PCDH11X: variants seen among roughly 807,000 people sequenced by gnomAD.
The protein encoded by PCDH11X is protocadherin 11 X-linked.
PCDH11X carries 18 observed loss-of-function variants against 53.3 expected under a neutral mutation model. The ratio of observed to expected loss-of-function variants is 0.34; its 90% CI spans 0.23 to 0.50. PCDH11X has a LOEUF of 0.50. PCDH11X is among the 20% of genes least tolerant of loss of function. PCDH11X has a pLI of 0.98. For synonymous variants in PCDH11X, 279 were observed against 393.3 expected (o/e 0.71, Z 3.44); for missense variants, 570 against 1,032.4 (o/e 0.55, Z 6.14).
chrX:92,315,587 A>G lies in PCDH11X; in HGVS notation c.3144+52444A>G, dbSNP rs139888319. ...AATCTCACTCCTTCACCCAAGCTGGAGTGCAGTGATCCAATCACAGCTTAC... is the reference window on the plus strand; with the variant it reads ...AATCTCACTCCTTCACCCAAGCTGGGGTGCAGTGATCCAATCACAGCTTAC... On this transcript the variant is annotated intron_variant, in intron 8 of 10. Coordinates refer to ENST00000682573, the MANE Select transcript of PCDH11X (RefSeq NM_032968.5). Among the ~76,000 whole-genome samples the G allele has an allele frequency of 2.1e-3, 233 of 111,271 alleles. 1 individual carries two copies. Among genetic ancestry groups the G allele is most frequent in the Non-Finnish European group, 3.7e-3 (198 of 53,072 alleles).
intron 10 of PCDH11X, among the ~76,000 whole-genome samples, chrX:92,525,260 A>C (rs747603399): frequency 9.0e-6 from 1 of 111,458 alleles, no homozygotes; most frequent in South Asian, 3.8e-4. Context: ...ACATAAGAAC[A>C]ATGTAAAGAA....
chrX:92,080,537 T>G (rs1358455400), intron 6 of PCDH11X, among the ~76,000 whole-genome samples: 1 of 111,110 alleles, frequency 9.0e-6, no homozygotes, highest in East Asian at 2.9e-4. Flanking sequence ...CAGCACAAGT[T>G]GGGAATTTTA....
intron 6 of PCDH11X, among the ~76,000 whole-genome samples, chrX:92,081,394 C>G (rs1382116696): frequency 3.6e-5 from 4 of 109,904 alleles, no homozygotes; most frequent in Non-Finnish European, 7.6e-5. Context: ...TTTCCCTCCC[C>G]AGAACACATT....
intron 6 of PCDH11X, among the ~76,000 whole-genome samples, chrX:91,887,517 GC>G (rs776668641): frequency 8.9e-6 from 1 of 111,765 alleles, no homozygotes; most frequent in African/African-American, 3.2e-5. Context: ...TTCTAGAGTA[GC>G]CATAGGTTTC....
intron 6 of PCDH11X, among the ~76,000 whole-genome samples, chrX:92,195,081 C>A (rs896398374): frequency 1.8e-5 from 2 of 111,147 alleles, no homozygotes; most frequent in African/African-American, 6.5e-5. Context: ...GCAGAATCAC[C>A]CTAGCAGAAG....
At chrX:91,857,753 T>C (rs1361356498) in intron 5 of PCDH11X, among the ~76,000 whole-genome samples, 1 of 112,106 alleles carries the variant, frequency 8.9e-6, no homozygotes, top group Non-Finnish European at 1.9e-5. Context: ...TAGGTTCCCA[T>C]GGTCTTGGGC....
intron 6 of PCDH11X, among the ~76,000 whole-genome samples, chrX:92,105,670 T>G (rs1397367747): frequency 2.3e-4 from 18 of 79,723 alleles, no homozygotes; most frequent in South Asian, 8.5e-4. Context: ...GGAGTGGGGG[T>G]CGCAAGGTGC....
chrX:91,939,065 T>A (rs922739772), intron 6 of PCDH11X, among the ~76,000 whole-genome samples: 1 of 110,764 alleles, frequency 9.0e-6, no homozygotes, highest in Non-Finnish European at 1.9e-5. Flanking sequence ...GACACAAATA[T>A]TAGGATTAGC....
At chrX:91,796,832 T>C (rs1458853030) in intron 1 of PCDH11X, among the ~76,000 whole-genome samples, 1 of 111,706 alleles carries the variant, frequency 9.0e-6, no homozygotes, top group Non-Finnish European at 1.9e-5. Flanking sequence ...TTCCATGGTA[T>C]GAATATAGAA....
At chrX:91,940,001 T>C (rs1403961641) in intron 6 of PCDH11X, among the ~76,000 whole-genome samples, 1 of 111,244 alleles carries the variant, frequency 9.0e-6, no homozygotes, top group Non-Finnish European at 1.9e-5. Context: ...AACCTAATAC[T>C]GAAATATAAT....
At chrX:92,593,526 T>G (rs1194241987) in intron 10 of PCDH11X, among the ~76,000 whole-genome samples, 1 of 111,644 alleles carries the variant, frequency 9.0e-6, no homozygotes, top group Non-Finnish European at 1.9e-5. Flanking sequence ...CATGGGAATT[T>G]TTGTTGTTGT....
chrX:92,170,783 T>C (rs1376847293), intron 6 of PCDH11X, among the ~76,000 whole-genome samples: 3 of 103,071 alleles, frequency 2.9e-5, no homozygotes, highest in Non-Finnish European at 5.9e-5. Flanking sequence ...TCTTGTTTTG[T>C]TTTTTTGTTT....
intron 7 of PCDH11X, among the ~76,000 whole-genome samples, chrX:92,217,571 C>T (rs2066749200): frequency 9.9e-6 from 1 of 100,620 alleles, no homozygotes; most frequent in South Asian, 5.1e-4. Flanking sequence ...GAGTGACCTA[C>T]AAAGAGACTC....
chrX:92,473,328 A>G (rs1182702949), intron 10 of PCDH11X, among the ~76,000 whole-genome samples: 1 of 110,728 alleles, frequency 9.0e-6, no homozygotes, highest in Non-Finnish European at 1.9e-5. Flanking sequence ...CTCTGGTTTT[A>G]TTCAGGTCTT....
At chrX:92,355,976 T>C (rs1267191404) in intron 8 of PCDH11X, among the ~76,000 whole-genome samples, 1 of 111,723 alleles carries the variant, frequency 9.0e-6, no homozygotes, top group Non-Finnish European at 1.9e-5. Context: ...TTGTTACTTG[T>C]ACAGCCTCGT....
chrX:92,202,799 A>T (rs1037650368), intron 7 of PCDH11X, among the ~76,000 whole-genome samples: 5 of 111,405 alleles, frequency 4.5e-5, no homozygotes, highest in African/African-American at 1.3e-4. Flanking sequence ...AGGAGTGTGG[A>T]TCACGAGGTC....
At chrX:91,884,530 T>C (rs1940109535) in intron 6 of PCDH11X, among the ~76,000 whole-genome samples, 1 of 111,308 alleles carries the variant, frequency 9.0e-6, no homozygotes, top group African/African-American at 3.3e-5. Context: ...TTACTAAATA[T>C]ACATCATTGC....
chrX:91,989,102 G>A (rs2062274753), intron 6 of PCDH11X, among the ~76,000 whole-genome samples: 1 of 110,752 alleles, frequency 9.0e-6, no homozygotes, highest in Non-Finnish European at 1.9e-5. Context: ...TCATTGGACA[G>A]TGTTTATCAC....
intron 10 of PCDH11X, among the ~76,000 whole-genome samples, chrX:92,611,838 C>CT (rs201987001): frequency 1.6e-4 from 17 of 104,940 alleles, no homozygotes; most frequent in African/African-American, 2.1e-4. Context: ...GAGATGATCA[C>CT]TTTTTTTTTA....
Sources: allele counts gnomAD v4.1 joint callset (sites outside exome capture counted in the v4.1 genomes callset), GRCh38; gene constraint gnomAD v4.1.1; transcripts MANE v1.5; gene names NCBI Gene and HGNC (gene_info 2026-07-23, HGNC 2026-07-21).